Variants in MCTP2 observed in about 807,000 individuals in gnomAD.
MCTP2 encodes multiple C2 and transmembrane domain containing 2.
Under a neutral mutation model 111.6 loss-of-function variants are expected in MCTP2, and 132 were observed. That is an observed-to-expected ratio of 1.18 (90% CI 1.03 to 1.37). The LOEUF (loss-of-function observed/expected upper bound fraction) is 1.37. Ranked by LOEUF, MCTP2 falls within the 40% of genes most tolerant of loss-of-function variation. MCTP2 has a pLI of 0.00. For missense variants in MCTP2, 1,183 were observed against 1,067.9 expected (o/e 1.11, Z -1.50); for synonymous variants, 395 against 387.7 (o/e 1.02, Z -0.22).
intron 1 of MCTP2, among the ~76,000 whole-genome samples, chr15:94,243,290 T>C (rs1472772380): frequency 2.7e-5 from 4 of 147,234 alleles, no homozygotes; most frequent in Admixed American, 1.3e-4. Flanking sequence ...CGTATGCGTA[T>C]ATGCATATAT....
At position 94,472,143 on chromosome 15, in the gene MCTP2, C is replaced by T. The variant is rs536177296; in HGVS notation, c.2470+1701C>T. Among the ~76,000 whole-genome samples, 200 of 152,258 alleles carry T rather than the reference C, an allele frequency of 1.3e-3. 2 individuals are homozygous for T. Among genetic ancestry groups the T allele is most frequent in the South Asian group, 2.3e-3 (11 of 4,826 alleles). ...CTGTAATCCCAGCACTTTGGGAGGC[C>T]GAGGCGGGCAGATCACCCGAGGTCA... On this transcript the variant is annotated intron_variant, in intron 21 of 22. Transcript: ENST00000357742.
intron 20 of MCTP2, among the ~76,000 whole-genome samples, chr15:94,469,840 A>G (rs573254357): frequency 6.6e-6 from 1 of 152,132 alleles, no homozygotes; most frequent in East Asian, 1.9e-4. Flanking sequence ...TCACTGCTCT[A>G]CAGCCTGGGT....
Position 94,458,249 on chromosome 15 carries a change from A to T in MCTP2, c.2360+3A>T. ...TCTTTTGGAGAAAGGATTAAGAAGT[A>T]AGTTCTAAATTTGTGTTGTGGTGTT... is the stretch of plus-strand genomic sequence containing the variant. On this transcript the variant is annotated splice_donor_region_variant and intron_variant, in intron 20 of 22. Transcript: ENST00000357742. The T allele has an allele frequency of 6.4e-7, 1 of 1,566,534 alleles. No homozygotes were observed. The highest frequency in any genetic ancestry group is 8.8e-7 in the Non-Finnish European group (1 of 1,136,798).
At chr15:94,476,643 GA>G in intron 21 of MCTP2, 52 bp from the exon 22 acceptor site, 5 of 905,860 alleles carry the variant, frequency 5.5e-6, no homozygotes, top group South Asian at 2.8e-5. Context: ...TAGATAGATA[GA>G]TAGATAGACA....
intron 1 of MCTP2, among the ~76,000 whole-genome samples, chr15:94,277,804 CA>C (rs1239361213): frequency 1.3e-5 from 2 of 152,206 alleles, no homozygotes; most frequent in African/African-American, 4.8e-5. Flanking sequence ...CACAAAAAGC[CA>C]ACCTTAATTT....
intron 1 of MCTP2, among the ~76,000 whole-genome samples, chr15:94,235,695 C>A (rs142878512): frequency 3.6e-4 from 55 of 152,276 alleles, no homozygotes; most frequent in African/African-American, 1.2e-3. Context: ...CTATGATCAA[C>A]TGGATTTAAA....
At position 94,259,980 on chromosome 15, in the gene MCTP2, G is replaced by A. The variant is rs557799705; in HGVS notation, c.-66+28316G>A. ...CCTTTCCAGATCATACATTGGGTAA[G>A]GAACCTTCTGATCTCTGCCCTGTTC... On this transcript the variant is annotated intron_variant, in intron 1 of 22. Transcript: ENST00000357742. Among the ~76,000 whole-genome samples the A allele has an allele frequency of 2.0e-5, 3 of 152,288 alleles. No individual in the cohort carries two copies. The South Asian group carries it at 6.2e-4, about 32-fold the overall frequency.
At chr15:94,276,310 A>G (rs753893131) in intron 1 of MCTP2, among the ~76,000 whole-genome samples, 20 of 152,208 alleles carry the variant, frequency 1.3e-4, no homozygotes, top group Non-Finnish European at 2.4e-4. Context: ...CTAGATAAAA[A>G]TCTATACTTT....
chr15:94,233,881 C>T (rs1055646127), intron 1 of MCTP2, among the ~76,000 whole-genome samples: 1 of 152,116 alleles, frequency 6.6e-6, no homozygotes, highest in South Asian at 2.1e-4. Flanking sequence ...TAAAACTTTT[C>T]TTGTAATTGT....
intron 17 of MCTP2, among the ~76,000 whole-genome samples, chr15:94,421,988 A>G (rs1389312582): frequency 9.2e-5 from 14 of 152,166 alleles, no homozygotes; most frequent in Admixed American, 9.2e-4. Flanking sequence ...AAGTGTTTCA[A>G]TGAGAGGCTT....
chr15:94,296,985 T>G (rs1226116598), intron 1 of MCTP2, among the ~76,000 whole-genome samples: 1 of 152,186 alleles, frequency 6.6e-6, no homozygotes, highest in Non-Finnish European at 1.5e-5. Flanking sequence ...TTCTTCACAA[T>G]GATAAACTGT....
At chr15:94,311,784 T>C (rs2076155107) in intron 2 of MCTP2, among the ~76,000 whole-genome samples, 1 of 152,242 alleles carries the variant, frequency 6.6e-6, no homozygotes, top group Non-Finnish European at 1.5e-5. Context: ...GAATAAAAGC[T>C]CTGTTTTCAT....
chr15:94,402,583 C>A, intron 17 of MCTP2: 2 of 1,551,386 alleles, frequency 1.3e-6, no homozygotes, highest in Admixed American at 2.0e-5. Context: ...AGAATCAAAG[C>A]GCTGCAAGAG....
intron 1 of MCTP2, among the ~76,000 whole-genome samples, chr15:94,257,518 C>G (rs2072856016): frequency 7.1e-6 from 1 of 141,500 alleles, no homozygotes; most frequent in African/African-American, 2.6e-5. Flanking sequence ...ATTGTTTGGG[C>G]TTTTTCAGAA....
At chr15:94,401,846 G>A in intron 16 of MCTP2, 54 bp from the exon 17 acceptor site, 1 of 1,417,336 alleles carries the variant, frequency 7.1e-7, no homozygotes, top group Non-Finnish European at 9.8e-7. Flanking sequence ...TGATCTAGAT[G>A]GAATATTTGT....
intron 17 of MCTP2, among the ~76,000 whole-genome samples, chr15:94,421,132 A>T (rs1242530027): frequency 6.6e-6 from 1 of 150,738 alleles, no homozygotes; most frequent in African/African-American, 2.4e-5. Context: ...GTTTTTAATT[A>T]AAGTGTATTT....
chr15:94,482,608 G>C lies in MCTP2; in HGVS notation c.*3574G>C, dbSNP rs1210670310. ...CAAATAGGAATGTCAGCAAGGTAAT[G>C]GAATATATAGTTCTCAGAGAAGTAA... is the stretch of plus-strand genomic sequence containing the variant. On this transcript the variant is annotated 3_prime_UTR_variant, in exon 23 of 23. Transcript: ENST00000357742. 6.6e-6 allele frequency: 1 copy of C among 152,146 alleles called. No individual in the cohort carries two copies. The highest frequency in any genetic ancestry group is 6.5e-5 in the Admixed American group (1 of 15,272). The allele number at this position is 152,146 out of a possible 1,614,324, so 9.4% of individuals were successfully genotyped here.
intron 20 of MCTP2, among the ~76,000 whole-genome samples, chr15:94,468,371 T>G (rs1303159052): frequency 6.6e-6 from 1 of 152,174 alleles, no homozygotes; most frequent in Non-Finnish European, 1.5e-5. Flanking sequence ...TGGGAGTTAC[T>G]TAACTTGAAG....
intron 9 of MCTP2, 86 bp from the exon 10 acceptor site, chr15:94,358,396 C>A: frequency 1.6e-6 from 2 of 1,250,052 alleles, no homozygotes; most frequent in Non-Finnish European, 2.3e-6. Flanking sequence ...TGACCCTCTG[C>A]AGTTTAATGA....
Sources: allele counts gnomAD v4.1 joint callset (sites outside exome capture counted in the v4.1 genomes callset), GRCh38; gene constraint gnomAD v4.1.1; transcripts MANE v1.5; gene names NCBI Gene and HGNC (gene_info 2026-07-23, HGNC 2026-07-21).